Variants in C17orf67 observed in about 807,000 individuals in gnomAD.
C17orf67 encodes uncharacterized protein C17orf67.
A neutral mutation model predicts 11.2 loss-of-function variants in C17orf67; 12 were observed. The ratio of observed to expected loss-of-function variants is 1.07; its 90% CI spans 0.68 to 1.73. The LOEUF (loss-of-function observed/expected upper bound fraction) is 1.73. Ranked by LOEUF, C17orf67 falls within the 40% of genes most tolerant of loss-of-function variation. The pLI is 0.00. For synonymous variants in C17orf67, 59 were observed against 46.9 expected, an observed-to-expected ratio of 1.26 and a Z score of -1.05; for missense variants, 115 against 113.5, an observed-to-expected ratio of 1.01 and a Z score of -0.06.
At chr17:56,796,905 G>A (rs893733128) in intron 6 of C17orf67, among the ~76,000 whole-genome samples, 4 of 147,284 alleles carry the variant, frequency 2.7e-5, no homozygotes, top group African/African-American at 7.5e-5. Flanking sequence ...CTTCCTCCTC[G>A]AAGCCTTCAC....
Position 56,795,028 on chromosome 17 carries a change from A to C in C17orf67, c.*20+16T>G. ...ACTCCCTCAGACAGAGGTCCGGGAGAGAGAAGGAGACGTACCGAGGCTGGT... is the reference window on the plus strand; with the variant it reads ...ACTCCCTCAGACAGAGGTCCGGGAGCGAGAAGGAGACGTACCGAGGCTGGT... On this transcript the variant is annotated intron_variant, in intron 7 of 7. Coordinates refer to ENST00000397861, the MANE Select transcript of C17orf67 (RefSeq NM_001085430.4). 1.3e-6 allele frequency: 2 copies of C among 1,552,522 alleles called. No individual in the cohort carries two copies. Among genetic ancestry groups the C allele is most frequent in the Non-Finnish European group, 1.8e-6 (2 of 1,125,534 alleles).
chr17:56,809,609 TCA>T (rs1206708608), intron 6 of C17orf67, among the ~76,000 whole-genome samples: 2 of 77,756 alleles, frequency 2.6e-5, no homozygotes, highest in East Asian at 4.5e-4. Context: ...CACACAACCC[TCA>T]CGCGCACACA....
At chr17:56,811,555 C>G (rs556501322) in intron 6 of C17orf67, among the ~76,000 whole-genome samples, 17 of 151,056 alleles carry the variant, frequency 1.1e-4, no homozygotes, top group Non-Finnish European at 2.2e-4. Flanking sequence ...GGGCTCGAGA[C>G]TCTCTTCTTG....
intron 7 of C17orf67, among the ~76,000 whole-genome samples, chr17:56,792,981 GTGA>G (rs1471379695): frequency 1.3e-5 from 2 of 148,692 alleles, no homozygotes; most frequent in Non-Finnish European, 1.5e-5. Context: ...GATAGTGATG[GTGA>G]TGATGTTGGT....
rs1474406990 is a variant in C17orf67 at position 56,806,061 on chromosome 17, G to A, written c.156+8808C>T. 2.5e-3 allele frequency among the ~76,000 whole-genome samples: 324 copies of A among 130,912 alleles called. 8 individuals are homozygous for A. The Admixed American group carries it at 0.029, about 12-fold the overall frequency. 85.9% of individuals were successfully genotyped at this position (130,912 alleles called of 152,430 possible). A position where few individuals can be genotyped will look rare whatever the true frequency, so the allele number is the denominator to read the frequency against. On this transcript the variant is annotated intron_variant, in intron 6 of 7. Transcript: ENST00000397861. Reference sequence around the variant, plus strand: ...GTGATCTTGGCTCACTGCAAGCTCCGCCTCCCAGGTTCACGCCATTCCCCT... The same window carrying A: ...GTGATCTTGGCTCACTGCAAGCTCCACCTCCCAGGTTCACGCCATTCCCCT...
At chr17:56,831,974 G>GTT (rs923941555) in intron 2 of C17orf67, among the ~76,000 whole-genome samples, 3 of 151,942 alleles carry the variant, frequency 2.0e-5, no homozygotes, top group Admixed American at 2.0e-4. Flanking sequence ...TTGAGACGGA[G>GTT]TTTCGCTCTG....
At chr17:56,804,936 G>A (rs1660616067) in intron 6 of C17orf67, among the ~76,000 whole-genome samples, 2 of 152,134 alleles carry the variant, frequency 1.3e-5, no homozygotes, top group South Asian at 4.1e-4. Flanking sequence ...ATAACCTCCA[G>A]GTTTTACAGC....
At chr17:56,796,157 C>T (rs1392784257) in intron 6 of C17orf67, among the ~76,000 whole-genome samples, 2 of 152,074 alleles carry the variant, frequency 1.3e-5, no homozygotes, top group Non-Finnish European at 1.5e-5. Context: ...CTAGAATTAC[C>T]ATTCGTACTC....
At chr17:56,805,086 T>A (rs974694592) in intron 6 of C17orf67, among the ~76,000 whole-genome samples, 1 of 152,170 alleles carries the variant, frequency 6.6e-6, no homozygotes, top group African/African-American at 2.4e-5. Flanking sequence ...GTCCATCTCC[T>A]CAAGTAATTT....
intron 2 of C17orf67, among the ~76,000 whole-genome samples, chr17:56,826,279 TTGTTA>T (rs1383326917): frequency 2.0e-5 from 3 of 152,184 alleles, no homozygotes; most frequent in Non-Finnish European, 4.4e-5. Flanking sequence ...GTGTATTATT[TTGTTA>T]TATCTTCAAA....
At chr17:56,795,240 A>C in intron 6 of C17orf67, 60 bp from the exon 7 acceptor site, 1 of 1,484,246 alleles carries the variant, frequency 6.7e-7, no homozygotes, top group Non-Finnish European at 9.4e-7. Context: ...AGGGATCAAT[A>C]TGCGTGGTGT....
At chr17:56,800,688 T>A (rs1391580778) in intron 6 of C17orf67, among the ~76,000 whole-genome samples, 1 of 152,160 alleles carries the variant, frequency 6.6e-6, no homozygotes, top group Non-Finnish European at 1.5e-5. Context: ...AGCTTAGATG[T>A]TACTTCCTCT....
chr17:56,830,701 A>C (rs1004661733), intron 2 of C17orf67, among the ~76,000 whole-genome samples: 1 of 152,220 alleles, frequency 6.6e-6, no homozygotes, highest in African/African-American at 2.4e-5. Context: ...TAAACTTTCC[A>C]TTTAAACTTC....
chr17:56,826,120 A>G (rs933301479), intron 2 of C17orf67, among the ~76,000 whole-genome samples: 2 of 151,902 alleles, frequency 1.3e-5, no homozygotes, highest in African/African-American at 4.8e-5. Context: ...ACACCCAGCT[A>G]ATTTTTTATT....
intron 6 of C17orf67, among the ~76,000 whole-genome samples, chr17:56,806,975 G>A (rs150891700): frequency 6.6e-6 from 1 of 152,344 alleles, no homozygotes; most frequent in African/African-American, 2.4e-5. Context: ...GGGTAAAACA[G>A]TGTATTTTGT....
intron 6 of C17orf67, among the ~76,000 whole-genome samples, chr17:56,796,262 T>C (rs935203883): frequency 3.3e-5 from 5 of 152,202 alleles, no homozygotes; most frequent in African/African-American, 1.2e-4. Context: ...ACCAACATCA[T>C]TTGTCACAGC....
chr17:56,813,281 C>T (rs1261712972), intron 6 of C17orf67, among the ~76,000 whole-genome samples: 1 of 151,824 alleles, frequency 6.6e-6, no homozygotes, highest in Non-Finnish European at 1.5e-5. Flanking sequence ...CAGTTGTGCA[C>T]ATGCTGCCCT....
intron 6 of C17orf67, among the ~76,000 whole-genome samples, chr17:56,810,261 A>T (rs1390707067): frequency 7.7e-6 from 1 of 129,794 alleles, no homozygotes; most frequent in Non-Finnish European, 1.6e-5. Flanking sequence ...TCGCTCTCCC[A>T]CACTCCTCAT....
At chr17:56,832,034 G>A (rs1169855572) in intron 2 of C17orf67, among the ~76,000 whole-genome samples, 1 of 151,944 alleles carries the variant, frequency 6.6e-6, no homozygotes, top group Admixed American at 6.6e-5. Context: ...TGCAACCTCC[G>A]CCTCCTGGGT....
Sources: allele counts gnomAD v4.1 joint callset (sites outside exome capture counted in the v4.1 genomes callset), GRCh38; gene constraint gnomAD v4.1.1; transcripts MANE v1.5; gene names NCBI Gene and HGNC (gene_info 2026-07-23, HGNC 2026-07-21).